The following BST1 variants were observed in gnomAD, a reference collection of about 807,000 sequenced individuals.
The protein encoded by BST1 is ADP-ribosyl cyclase/cyclic ADP-ribose hydrolase 2.
BST1 carries 49 observed loss-of-function variants against 40.6 expected under a neutral mutation model. That is an observed-to-expected ratio of 1.21 (90% CI 0.96 to 1.53). The LOEUF (loss-of-function observed/expected upper bound fraction) is 1.53, where lower values mean the gene tolerates loss of function less well. Ranked by LOEUF, BST1 falls within the 40% of genes most tolerant of loss-of-function variation. The pLI, the probability that BST1 is intolerant of heterozygous loss-of-function variation, is 0.00. For synonymous variants in BST1, 157 were observed against 159.3 expected (o/e 0.99, Z 0.11); for missense variants, 423 against 395.9 (o/e 1.07, Z -0.58).
the BST1 span, among the ~76,000 whole-genome samples, chr4:15,759,506 A>G: frequency 6.6e-6 from 1 of 151,612 alleles, no homozygotes; most frequent in South Asian, 2.1e-4. Flanking sequence ...ATTTTCTTCT[A>G]CCTTAACTTC....
chr4:15,703,189 G>A lies in BST1; in HGVS notation c.45G>A (p.Leu15=). ...CGGCATCGCGGCTGCTCCAGCTGCT[G>A]CTGCAGCTTCTGCTTCTACTGTTGC... ...GCAASRLLQL[L]LQLLLLLLLL... Residue 15 remains leucine (L), a synonymous_variant, in exon 1 of 9, where the codon CTG becomes CTA. Transcript: ENST00000265016. 6.4e-7 allele frequency: 1 copy of A among 1,559,410 alleles called. No individual in the cohort carries two copies.
chr4:15,764,873 G>GGTGTGTGTGTGTGTGTGTGTGTGTGT, the BST1 span, among the ~76,000 whole-genome samples: 97 of 137,454 alleles, frequency 7.1e-4, 1 homozygote, highest in Admixed American at 1.3e-3. Flanking sequence ...AATTAGGTGA[G>GGTGTGTGTGTGTGTGTGTGTGTGTGT]GTGTGTGTGT....
intron 8 of BST1, among the ~76,000 whole-genome samples, chr4:15,724,686 C>T (rs1238285429): frequency 6.7e-6 from 1 of 149,486 alleles, no homozygotes; most frequent in Non-Finnish European, 1.5e-5. Flanking sequence ...AACTCCATCT[C>T]AAAAAATAAA....
chr4:15,731,609 G>C lies in BST1; in HGVS notation c.852-131G>C, dbSNP rs556493880. 6.3e-6 allele frequency: 8 copies of C among 1,274,784 alleles called. No individual in the cohort carries two copies. In the East Asian group the frequency reaches 1.5e-4, roughly 24 times the overall value. The allele number at this position is 1,274,784 out of a possible 1,614,324, so 79.0% of individuals were successfully genotyped here. A position where few individuals can be genotyped will look rare whatever the true frequency, so the allele number is the denominator to read the frequency against. ...CGCACCGCCTCCTACGGGGTGTCAC[G>C]GGAGACTTTGCTGCTCATGGCTTCT... On this transcript the variant is annotated intron_variant, in intron 8 of 8. Coordinates refer to ENST00000265016, the MANE Select transcript of BST1 (RefSeq NM_004334.3).
At chr4:15,767,333 C>G in the BST1 span, among the ~76,000 whole-genome samples, 1 of 150,988 alleles carries the variant, frequency 6.6e-6, no homozygotes, top group Non-Finnish European at 1.5e-5. Context: ...GAGATGGAGT[C>G]TTGCTCTGTC....
the BST1 span, among the ~76,000 whole-genome samples, chr4:15,766,020 G>A: frequency 6.6e-6 from 1 of 151,974 alleles, no homozygotes; most frequent in African/African-American, 2.4e-5. Context: ...TAAGGGGATG[G>A]AAGTCAAAAG....
chr4:15,768,480 C>CTTTTTTTTTTTTTTTTTTTTTTTTTTTTT, the BST1 span, among the ~76,000 whole-genome samples: 1 of 91,052 alleles, frequency 1.1e-5, no homozygotes, highest in Non-Finnish European at 2.0e-5. Flanking sequence ...TGGACAGTAT[C>CTTTTTTTTTTTTTTTTTTTTTTTTTTTTT]TTTTTTTTTT....
In BST1 at chr4:15,722,914, T is replaced by C; in HGVS notation, c.831T>C (p.His277=). 6.2e-7 allele frequency: 1 copy of C among 1,613,856 alleles called. No individual in the cohort carries two copies. The highest frequency in any genetic ancestry group is 8.5e-7 in the Non-Finnish European group (1 of 1,179,794). ...TACAGTGCGTGGACCACAGCACCCA[T>C]CCTGACTGTGCCTTAAAGTCGTAAG... ...KLLQCVDHST[H]PDCALKSAAA... Residue 277 remains histidine, a synonymous_variant, in exon 8 of 9, where the codon CAT becomes CAC. Coordinates refer to ENST00000265016, the MANE Select transcript of BST1 (RefSeq NM_004334.3).
At chr4:15,710,465 T>C (rs1720130575) in intron 3 of BST1, among the ~76,000 whole-genome samples, 2 of 152,198 alleles carry the variant, frequency 1.3e-5, no homozygotes, top group Admixed American at 6.5e-5. Context: ...CTACTAGTTA[T>C]TTTGAAATAT....
the BST1 span, among the ~76,000 whole-genome samples, chr4:15,759,810 C>G: frequency 6.6e-6 from 1 of 151,914 alleles, no homozygotes; most frequent in Non-Finnish European, 1.5e-5. Context: ...CCCCTCCACT[C>G]CCAGTATTTA....
chr4:15,758,289 C>T, the BST1 span, among the ~76,000 whole-genome samples: 1 of 152,264 alleles, frequency 6.6e-6, no homozygotes, highest in East Asian at 1.9e-4. Flanking sequence ...AGCCGTCCCT[C>T]CCCTTCCGCC....
chr4:15,748,426 G>A, the BST1 span, among the ~76,000 whole-genome samples: 11 of 152,086 alleles, frequency 7.2e-5, no homozygotes, highest in Non-Finnish European at 1.5e-4. Context: ...GGGAGAAAGC[G>A]ACTCCTGCCA....
At chr4:15,745,678 C>A in the BST1 span, among the ~76,000 whole-genome samples, 44 of 152,202 alleles carry the variant, frequency 2.9e-4, no homozygotes, top group East Asian at 5.8e-3. Flanking sequence ...TCCAGAGAAA[C>A]CTTCCATGGG....
chr4:15,712,546 G>T (rs1040726560), intron 4 of BST1, among the ~76,000 whole-genome samples: 4 of 152,184 alleles, frequency 2.6e-5, no homozygotes, highest in African/African-American at 7.2e-5. Context: ...TAGCTAGGTT[G>T]ACCAGGTGGA....
At chr4:15,766,159 G>C in the BST1 span, among the ~76,000 whole-genome samples, 1 of 151,950 alleles carries the variant, frequency 6.6e-6, no homozygotes, top group Non-Finnish European at 1.5e-5. Flanking sequence ...ATCTAGTTGG[G>C]GATGGAGGTA....
intron 3 of BST1, among the ~76,000 whole-genome samples, chr4:15,708,335 T>C (rs1242061410): frequency 1.3e-5 from 2 of 152,130 alleles, no homozygotes; most frequent in African/African-American, 4.8e-5. Context: ...CCAACTGTGG[T>C]GCTAGGAGCT....
Position 15,709,978 on chromosome 4 carries a change from A to T in BST1, c.452-1829A>T, listed in dbSNP as rs538554254. The stretch of plus-strand genomic sequence containing the variant: ...ATTTATTTATTTATATTTTAAAATC[A>T]TTATTATTTTTTGAGGCAGCGTCTC... On this transcript the variant is annotated intron_variant, in intron 3 of 8. Transcript: ENST00000265016. 1.9e-3 allele frequency among the ~76,000 whole-genome samples: 287 copies of T among 151,868 alleles called. 2 individuals are homozygous for T. Among genetic ancestry groups the T allele is most frequent in the South Asian group, 0.011 (52 of 4,816 alleles).
chr4:15,751,632 G>A, the BST1 span, among the ~76,000 whole-genome samples: 1 of 151,598 alleles, frequency 6.6e-6, no homozygotes, highest in African/African-American at 2.4e-5. Context: ...ATAGATATAT[G>A]TGTATACACT....
At chr4:15,764,873 GGTGT>G in the BST1 span, among the ~76,000 whole-genome samples, 15 of 137,448 alleles carry the variant, frequency 1.1e-4, no homozygotes, top group South Asian at 1.7e-3. Context: ...AATTAGGTGA[GGTGT>G]GTGTGTGTGT....
Sources: gnomAD v4.1 joint callset for allele counts (sites outside exome capture counted in the v4.1 genomes callset) on GRCh38, gnomAD v4.1.1 for gene constraint, MANE v1.5 for transcripts, NCBI Gene and HGNC (gene_info 2026-07-23, HGNC 2026-07-21) for gene names.